The following RBFOX1 variants were observed in gnomAD, a reference collection of about 807,000 sequenced individuals.
The protein encoded by RBFOX1 is RNA binding protein fox-1 homolog 1.
A neutral mutation model predicts 57.7 loss-of-function variants in RBFOX1; 8 were observed. That is an observed-to-expected ratio of 0.14 (90% CI 0.08 to 0.25). RBFOX1 has a LOEUF of 0.25. Among genes scored for constraint, RBFOX1 ranks in the 10% least tolerant of loss-of-function variants. The pLI is 1.00. For synonymous variants in RBFOX1, 326 were observed against 222.4 expected (o/e 1.47, Z -4.15); for missense variants, 611 against 548.5 (o/e 1.11, Z -1.14).
At chr16:6,822,911 G>A (rs59831294) in intron 3 of RBFOX1, among the ~76,000 whole-genome samples, 2,041 of 152,268 alleles carry the variant, frequency 0.013, 39 homozygotes, top group African/African-American at 0.047. Context: ...TAACAAGTGC[G>A]TGCTGCTGCA....
chr16:6,567,117 G>C (rs1159425388), intron 2 of RBFOX1, among the ~76,000 whole-genome samples: 1 of 152,294 alleles, frequency 6.6e-6, no homozygotes, highest in East Asian at 1.9e-4. Context: ...AGGCTGTCCA[G>C]ATTTCTCTGC....
At chr16:6,310,345 G>A (rs2080101070) in intron 1 of RBFOX1, among the ~76,000 whole-genome samples, 1 of 152,224 alleles carries the variant, frequency 6.6e-6, no homozygotes, top group Non-Finnish European at 1.5e-5. Context: ...TATGATACTA[G>A]GCTATGCTGA....
At chr16:6,904,124 A>C (rs563462135) in intron 3 of RBFOX1, among the ~76,000 whole-genome samples, 1 of 152,170 alleles carries the variant, frequency 6.6e-6, no homozygotes, top group Non-Finnish European at 1.5e-5. Context: ...CTAATAGTGC[A>C]GTTCGTTCTC....
chr16:6,965,749 A>C (rs1004081122), intron 3 of RBFOX1, among the ~76,000 whole-genome samples: 2 of 152,204 alleles, frequency 1.3e-5, no homozygotes, highest in Non-Finnish European at 2.9e-5. Flanking sequence ...AATCATGTTT[A>C]TTATCCTGGG....
rs1364098765 is a variant in RBFOX1, at chr16:5,753,054, G to A, written c.319-114249G>A. On this transcript the variant is annotated intron_variant, in intron 3 of 19. Transcript: ENST00000641259. ...CTACACTTGTAGTCCCAGCTGCTTGGGAGGCTGAGGTGGGAGGATTGCTTT... is the reference window on the plus strand; with the variant it reads ...CTACACTTGTAGTCCCAGCTGCTTGAGAGGCTGAGGTGGGAGGATTGCTTT... Among the ~76,000 whole-genome samples the A allele has an allele frequency of 2.6e-5, 4 of 152,122 alleles. No homozygotes were observed. The East Asian group carries it at 7.8e-4, about 29-fold the overall frequency.
At chr16:6,299,666 CT>C (rs1231925412) in intron 1 of RBFOX1, among the ~76,000 whole-genome samples, 1 of 152,158 alleles carries the variant, frequency 6.6e-6, no homozygotes. Context: ...TCAGAGATCC[CT>C]AATGGATCCT....
intron 4 of RBFOX1, among the ~76,000 whole-genome samples, chr16:7,129,903 G>C (rs974239170): frequency 2.0e-5 from 3 of 149,256 alleles, no homozygotes; most frequent in Non-Finnish European, 4.5e-5. Flanking sequence ...TGACCCTCTA[G>C]ATGATAAGTG....
intron 3 of RBFOX1, among the ~76,000 whole-genome samples, chr16:6,909,054 C>A (rs991301030): frequency 3.3e-5 from 5 of 152,126 alleles, no homozygotes; most frequent in Non-Finnish European, 5.9e-5. Flanking sequence ...AAATGATCAC[C>A]AATTTAGGTG....
intron 3 of RBFOX1, among the ~76,000 whole-genome samples, chr16:6,881,763 C>G (rs1196041695): frequency 6.6e-6 from 1 of 152,202 alleles, no homozygotes; most frequent in African/African-American, 2.4e-5. Flanking sequence ...CAGGCATGAG[C>G]TTATATACCA....
intron 4 of RBFOX1, among the ~76,000 whole-genome samples, chr16:7,156,821 T>A (rs986972471): frequency 6.6e-6 from 1 of 152,192 alleles, no homozygotes; most frequent in African/African-American, 2.4e-5. Context: ...ACATGCACAA[T>A]TATAGGATAA....
At chr16:5,485,889 C>G (rs374348660) in intron 2 of RBFOX1, among the ~76,000 whole-genome samples, 4 of 152,142 alleles carry the variant, frequency 2.6e-5, no homozygotes, top group East Asian at 1.9e-4. Context: ...ATGTTATTAT[C>G]CTCTTGAACC....
intron 3 of RBFOX1, among the ~76,000 whole-genome samples, chr16:6,987,345 A>T (rs1438941217): frequency 2.6e-5 from 4 of 152,044 alleles, no homozygotes; most frequent in Non-Finnish European, 5.9e-5. Context: ...AGAACAAGAG[A>T]GAATGAGTAG....
At chr16:7,397,119 G>T (rs540407699) in intron 4 of RBFOX1, among the ~76,000 whole-genome samples, 51 of 152,198 alleles carry the variant, frequency 3.4e-4, no homozygotes, top group Admixed American at 2.7e-3. Context: ...GAGTGATCAT[G>T]ATCTCTTTAA....
intron 4 of RBFOX1, among the ~76,000 whole-genome samples, chr16:5,901,250 C>T (rs924911954): frequency 6.6e-6 from 1 of 152,174 alleles, no homozygotes; most frequent in African/African-American, 2.4e-5. Flanking sequence ...TTCACGCGGT[C>T]TTTGTTTTAG....
chr16:5,362,450 C>T (rs1433776268), intron 1 of RBFOX1, among the ~76,000 whole-genome samples: 1 of 152,222 alleles, frequency 6.6e-6, no homozygotes, highest in East Asian at 1.9e-4. Context: ...GCAACCTCTG[C>T]CTCCTGGGTT....
chr16:7,610,319 C>T (rs1368072941), intron 10 of RBFOX1, among the ~76,000 whole-genome samples: 1 of 151,494 alleles, frequency 6.6e-6, no homozygotes, highest in African/African-American at 2.4e-5. Flanking sequence ...CAGGGTTTTG[C>T]CGTGTTGGCT....
At chr16:5,975,046 A>C (rs1354961424) in intron 4 of RBFOX1, among the ~76,000 whole-genome samples, 1 of 152,184 alleles carries the variant, frequency 6.6e-6, no homozygotes, top group Non-Finnish European at 1.5e-5. Context: ...AAAAGTAAAA[A>C]ACCAAAATCA....
In RBFOX1 at chr16:6,416,667, G is replaced by C. The variant is rs569490662; in HGVS notation, c.-64+99610G>C. ...CTTTTAAACAAAAAGAAAGTCTAAG[G>C]GAGAATATGCCATTTCCACGCCCAT... On this transcript the variant is annotated intron_variant, in intron 2 of 15. Coordinates refer to ENST00000550418, the MANE Select transcript of RBFOX1 (RefSeq NM_018723.4). 4.1e-4 allele frequency among the ~76,000 whole-genome samples: 63 copies of C among 152,152 alleles called. 1 individual carries two copies. The highest frequency in any genetic ancestry group is 1.4e-3 in the African/African-American group (60 of 41,506).
At chr16:6,388,586 G>A (rs1037041410) in intron 2 of RBFOX1, among the ~76,000 whole-genome samples, 5 of 151,928 alleles carry the variant, frequency 3.3e-5, no homozygotes, top group African/African-American at 1.2e-4. Flanking sequence ...TAAAAAGAAG[G>A]AAACCTGGCT....
Sources: gnomAD v4.1 joint callset for allele counts (sites outside exome capture counted in the v4.1 genomes callset) on GRCh38, gnomAD v4.1.1 for gene constraint, MANE v1.5 for transcripts, NCBI Gene and HGNC (gene_info 2026-07-23, HGNC 2026-07-21) for gene names.